Variants in CTDSPL2 observed in about 807,000 individuals in gnomAD.
The protein encoded by CTDSPL2 is CTD small phosphatase like 2, also known as CTD small phosphatase-like protein 2.
In CTDSPL2, 5 loss-of-function variants were observed where a neutral mutation model predicts 60.0. The ratio of observed to expected loss-of-function variants is 0.08; its 90% CI spans 0.04 to 0.18. CTDSPL2 has a LOEUF of 0.18. Among genes scored for constraint, CTDSPL2 ranks in the 10% least tolerant of loss-of-function variants. The probability of loss-of-function intolerance (pLI) is 1.00; values close to 1 mark genes in which losing one functional copy is unlikely to be tolerated. For missense variants in CTDSPL2, 370 were observed against 548.8 expected (o/e 0.67, Z 3.26); for synonymous variants, 186 against 189.3 (o/e 0.98, Z 0.14).
At position 44,526,310 on chromosome 15, in the gene CTDSPL2, T is replaced by G. The variant is rs2081872806; in HGVS notation, c.*2136T>G. The G allele has an allele frequency of 6.6e-6, 1 of 152,136 alleles. No homozygotes were observed. The highest frequency in any genetic ancestry group is 2.4e-5 in the African/African-American group (1 of 41,450). The allele number at this position is 152,136 out of a possible 1,614,324, so 9.4% of individuals were successfully genotyped here. On this transcript the variant is annotated 3_prime_UTR_variant, in exon 13 of 13. Transcript: ENST00000260327. The stretch of plus-strand genomic sequence containing the variant: ...AGCATGCATTCTGATTGCTGAAAGA[T>G]TTCCTGATTTAGTGCATTCTCAAAA...
At chr15:44,446,784 C>G (rs1567063397) in intron 1 of CTDSPL2, among the ~76,000 whole-genome samples, 2 of 120,456 alleles carry the variant, frequency 1.7e-5, no homozygotes, top group African/African-American at 6.3e-5. Context: ...GAGACGGAGT[C>G]TCAGTCTGTT....
chr15:44,439,302 C>G (rs1347008932), intron 1 of CTDSPL2, among the ~76,000 whole-genome samples: 1 of 151,944 alleles, frequency 6.6e-6, no homozygotes, highest in Non-Finnish European at 1.5e-5. Flanking sequence ...GCACCCACCA[C>G]CATGCCCGTC....
rs548387980 is a variant in CTDSPL2 at position 44,449,198 on chromosome 15, G to T, written c.-24-9793G>T. The T allele has an allele frequency of 5.6e-5, 16 of 287,750 alleles. No homozygotes were observed. The East Asian group carries it at 1.5e-3, about 27-fold the overall frequency. 17.8% of individuals were successfully genotyped at this position (287,750 alleles called of 1,614,324 possible). A position where few individuals can be genotyped will look rare whatever the true frequency, so the allele number is the denominator to read the frequency against. The stretch of plus-strand genomic sequence containing the variant: ...CTGTTCCACCAGTGGTAGCCATCAC[G>T]TTTTGCATTGCTCTCCTGGCATGTT... On this transcript the variant is annotated intron_variant, in intron 1 of 12. Transcript: ENST00000260327.
At chr15:44,497,237 GT>G in intron 7 of CTDSPL2, 99 bp downstream of exon 7, 1 of 675,246 alleles carries the variant, frequency 1.5e-6, no homozygotes, top group Non-Finnish European at 2.4e-6. Flanking sequence ...TCAGGATCAT[GT>G]TTTCCTGAAG....
chr15:44,513,743 A>C (rs891387398), intron 8 of CTDSPL2, among the ~76,000 whole-genome samples: 10 of 152,222 alleles, frequency 6.6e-5, no homozygotes, highest in African/African-American at 2.4e-4. Context: ...TGAATGAAGT[A>C]TAGTATTTTT....
chr15:44,500,051 G>C (rs2081361638), intron 8 of CTDSPL2, among the ~76,000 whole-genome samples: 1 of 152,162 alleles, frequency 6.6e-6, no homozygotes, highest in African/African-American at 2.4e-5. Context: ...ATCTCAGCTA[G>C]TTTCATAATC....
chr15:44,481,904 G>A (rs949505646), intron 2 of CTDSPL2, among the ~76,000 whole-genome samples: 1 of 152,166 alleles, frequency 6.6e-6, no homozygotes, highest in Non-Finnish European at 1.5e-5. Flanking sequence ...CTGATAATCT[G>A]CAGCAGATAT....
At chr15:44,465,059 G>A (rs1354501354) in intron 2 of CTDSPL2, among the ~76,000 whole-genome samples, 3 of 152,130 alleles carry the variant, frequency 2.0e-5, no homozygotes, top group African/African-American at 4.8e-5. Flanking sequence ...ATACGGTCAC[G>A]TTCTGAAGTA....
chr15:44,477,503 C>G (rs889010338), intron 2 of CTDSPL2, among the ~76,000 whole-genome samples: 2 of 151,384 alleles, frequency 1.3e-5, no homozygotes, highest in African/African-American at 4.9e-5. Flanking sequence ...CCATTGCACT[C>G]CAGCCTTGGT....
intron 2 of CTDSPL2, among the ~76,000 whole-genome samples, chr15:44,472,500 G>T (rs2080830943): frequency 1.3e-5 from 2 of 149,626 alleles, no homozygotes; most frequent in African/African-American, 2.4e-5. Flanking sequence ...GAAATGTCTG[G>T]TATTTTAATT....
intron 2 of CTDSPL2, 81 bp downstream of exon 2, chr15:44,459,281 A>C: frequency 1.0e-6 from 1 of 956,320 alleles, no homozygotes. Flanking sequence ...TAATCCCAGC[A>C]CTTTGAGAGC....
intron 1 of CTDSPL2, among the ~76,000 whole-genome samples, chr15:44,452,046 T>C (rs2080343771): frequency 6.6e-6 from 1 of 152,268 alleles, no homozygotes; most frequent in South Asian, 2.1e-4. Context: ...GTTATTTCAT[T>C]TGAGGTGATG....
At chr15:44,429,348 A>C (rs998710203) in intron 1 of CTDSPL2, among the ~76,000 whole-genome samples, 2 of 152,186 alleles carry the variant, frequency 1.3e-5, no homozygotes, top group Admixed American at 1.3e-4. Context: ...AATGGAGCCA[A>C]ATATGCAACT....
rs887200826 is a variant in CTDSPL2, at chr15:44,528,792, G to A, written c.*4618G>A. 1 of 152,026 alleles carries A rather than the reference G, an allele frequency of 6.6e-6. No individual in the cohort carries two copies. Among genetic ancestry groups the A allele is most frequent in the Non-Finnish European group, 1.5e-5 (1 of 68,014 alleles). 9.4% of individuals were successfully genotyped at this position (152,026 alleles called of 1,614,324 possible). A position where few individuals can be genotyped will look rare whatever the true frequency, so the allele number is the denominator to read the frequency against. ...AAATACTACTTTCATCTTTTGAAATGGGATTTTTCAAGGCAGTGTCCTTTT... is the reference window on the plus strand; with the variant it reads ...AAATACTACTTTCATCTTTTGAAATAGGATTTTTCAAGGCAGTGTCCTTTT... On this transcript the variant is annotated 3_prime_UTR_variant, in exon 13 of 13. Transcript: ENST00000260327.
chr15:44,490,866 G>C lies in CTDSPL2; in HGVS notation c.558G>C (p.Glu186Asp). 1 of 1,613,926 alleles carries C rather than the reference G, an allele frequency of 6.2e-7. No homozygotes were observed. The highest frequency in any genetic ancestry group is 8.5e-7 in the Non-Finnish European group (1 of 1,179,902). ...VKQLDMEQVDEITTSTTTSTN... is the reference protein window; with the variant it reads ...VKQLDMEQVDDITTSTTTSTN... ...AACTTGATATGGAACAGGTGGATGAGATCACTACCAGTACTACTACATCAA... is the reference window on the plus strand; with the variant it reads ...AACTTGATATGGAACAGGTGGATGACATCACTACCAGTACTACTACATCAA... The change falls in exon 5 of 13, where the codon GAG becomes GAC. Residue 186 changes from glutamate to aspartate, a missense_variant. By Grantham distance (45) the Glu-to-Asp change is conservative. This residue lies in a region of CTDSPL2 where 287 missense variants were observed against 296.1 expected (regional missense o/e 0.97). Transcript: ENST00000260327.
At chr15:44,496,047 T>G (rs555433373) in intron 5 of CTDSPL2, among the ~76,000 whole-genome samples, 2 of 152,294 alleles carry the variant, frequency 1.3e-5, no homozygotes, top group South Asian at 4.1e-4. Flanking sequence ...ACCATGAAAT[T>G]TTTTGGTGAT....
chr15:44,446,135 A>G (rs1475383948), intron 1 of CTDSPL2, among the ~76,000 whole-genome samples: 1 of 151,738 alleles, frequency 6.6e-6, no homozygotes, highest in Non-Finnish European at 1.5e-5. Context: ...CATATTGACC[A>G]GGCAGTTCTC....
At position 44,490,839 on chromosome 15, in the gene CTDSPL2, A is replaced by C; in HGVS notation, c.531A>C (p.Lys177Asn). 1 of 1,613,814 alleles carries C rather than the reference A, an allele frequency of 6.2e-7. No individual in the cohort carries two copies. Among genetic ancestry groups the C allele is most frequent in the Middle Eastern group, 1.7e-4 (1 of 5,808 alleles). ...GQAVEAEEIVKQLDMEQVDEI... is the reference protein window; with the variant it reads ...GQAVEAEEIVNQLDMEQVDEI... ...CTGTGGAAGCTGAAGAAATAGTAAA[A>C]CAACTTGATATGGAACAGGTGGATG... Residue 177 changes from lysine to asparagine, a missense_variant, in exon 5 of 13, where the codon AAA (lysine) becomes AAC (asparagine). Coordinates refer to ENST00000260327, the MANE Select transcript of CTDSPL2 (RefSeq NM_016396.3).
At chr15:44,451,628 T>C (rs1348828464) in intron 1 of CTDSPL2, among the ~76,000 whole-genome samples, 1 of 152,190 alleles carries the variant, frequency 6.6e-6, no homozygotes, top group East Asian at 1.9e-4. Flanking sequence ...TTACTGTTTC[T>C]ATCATGTCTT....
Sources: allele counts gnomAD v4.1 joint callset (sites outside exome capture counted in the v4.1 genomes callset), GRCh38; gene constraint gnomAD v4.1.1; regional missense constraint gnomAD v4.1.1; transcripts MANE v1.5; gene names NCBI Gene and HGNC (gene_info 2026-07-23, HGNC 2026-07-21).